The following MYH15 variants were observed in gnomAD, a reference collection of about 807,000 sequenced individuals.
MYH15 encodes the protein myosin heavy chain 15, also known as myosin-15.
A neutral mutation model predicts 240.5 loss-of-function variants in MYH15; 227 were observed. The ratio of observed to expected loss-of-function variants is 0.94; its 90% CI spans 0.85 to 1.05. The LOEUF is 1.05. Among genes scored for constraint, MYH15 ranks in the 50% least tolerant of loss-of-function variants. MYH15 has a pLI of 0.00. For missense variants in MYH15, 2,217 were observed against 2,247.5 expected (o/e 0.99, Z 0.27); for synonymous variants, 785 against 796.7 (o/e 0.99, Z 0.25).
chr3:108,510,724 CTA>C (rs2083516746), upstream of MYH15: 5 of 819,564 alleles, frequency 6.1e-6, no homozygotes, highest in Non-Finnish European at 9.2e-6. Context: ...TTTCTCTTCG[CTA>C]TGTCTCAAAT....
At chr3:108,395,130 G>A (rs1161487511) in intron 35 of MYH15, among the ~76,000 whole-genome samples, 2 of 152,198 alleles carry the variant, frequency 1.3e-5, no homozygotes, top group Non-Finnish European at 2.9e-5. Flanking sequence ...ATAGTTGGGT[G>A]TGGTGGCATA....
chr3:108,395,901 A>G (rs950463895), intron 35 of MYH15, among the ~76,000 whole-genome samples: 8 of 152,126 alleles, frequency 5.3e-5, no homozygotes, highest in African/African-American at 1.9e-4. Context: ...CCTTGTGAAT[A>G]ATATCACCTA....
chr3:108,496,200 C>T (rs1216552877), intron 6 of MYH15, among the ~76,000 whole-genome samples: 1 of 152,206 alleles, frequency 6.6e-6, no homozygotes, highest in Non-Finnish European at 1.5e-5. Flanking sequence ...TCCAGACAAA[C>T]ATATCATATA....
upstream of MYH15, among the ~76,000 whole-genome samples, chr3:108,529,930 A>G (rs148379913): frequency 9.2e-3 from 1,397 of 152,294 alleles, 15 homozygotes; most frequent in Non-Finnish European, 0.014. Flanking sequence ...CTGCTCAGAG[A>G]GAGCTCTGGG....
the MYH15 span, among the ~76,000 whole-genome samples, chr3:108,545,193 A>G: frequency 3.4e-4 from 51 of 152,136 alleles, no homozygotes; most frequent in Non-Finnish European, 6.8e-4. Flanking sequence ...AGTTAGTCTG[A>G]GCAACCCAGA....
At chr3:108,387,042 AAGG>A (rs755887558) in intron 38 of MYH15, among the ~76,000 whole-genome samples, 4 of 152,176 alleles carry the variant, frequency 2.6e-5, no homozygotes, top group Admixed American at 1.3e-4. Flanking sequence ...AGGGGATATA[AAGG>A]AGAAGATAAA....
At chr3:108,538,279 T>TAA in the MYH15 span, among the ~76,000 whole-genome samples, 259 of 152,316 alleles carry the variant, frequency 1.7e-3, no homozygotes, top group African/African-American at 6.0e-3. Flanking sequence ...ATCTTTATTG[T>TAA]ATCTCTTGGC....
rs117881276 is a variant in MYH15, at chr3:108,390,053, C to T, written c.5431-979G>A. 3.5e-3 allele frequency among the ~76,000 whole-genome samples: 540 copies of T among 152,280 alleles called. 11 individuals are homozygous for T. The highest frequency in any genetic ancestry group is 0.025 in the Admixed American group (388 of 15,296). Reference sequence around the variant, plus strand: ...GATAAAGCCCATTTAAAGCAATCTTCTGACACCTGCTATATAGGAACCTGA... The same window carrying T: ...GATAAAGCCCATTTAAAGCAATCTTTTGACACCTGCTATATAGGAACCTGA... On this transcript the variant is annotated intron_variant, in intron 37 of 40. Coordinates refer to ENST00000693548, the MANE Select transcript of MYH15 (RefSeq NM_014981.3).
intron 25 of MYH15, among the ~76,000 whole-genome samples, chr3:108,435,437 T>C (rs1339169158): frequency 3.9e-5 from 6 of 152,220 alleles, no homozygotes; most frequent in Admixed American, 3.9e-4. Flanking sequence ...TAATCAACTT[T>C]ATACTCATTG....
At chr3:108,512,270 A>C (rs2083527441), upstream of MYH15, among the ~76,000 whole-genome samples, 1 of 152,216 alleles carries the variant, frequency 6.6e-6, no homozygotes, top group South Asian at 2.1e-4. Context: ...AGCTCTGAAA[A>C]TAAGGCAGAG....
chr3:108,454,950 A>C (rs1223964853), intron 20 of MYH15, among the ~76,000 whole-genome samples: 1 of 152,192 alleles, frequency 6.6e-6, no homozygotes, highest in Non-Finnish European at 1.5e-5. Flanking sequence ...AAAATAACTA[A>C]ACACACAAGG....
At chr3:108,513,147 A>G (rs796624694), upstream of MYH15, among the ~76,000 whole-genome samples, 20 of 152,336 alleles carry the variant, frequency 1.3e-4, 2 homozygotes, top group African/African-American at 4.1e-4. Flanking sequence ...AAGTAAACAA[A>G]TTAACCTTGC....
At chr3:108,474,120 T>C (rs2083200001) in intron 12 of MYH15, among the ~76,000 whole-genome samples, 1 of 152,188 alleles carries the variant, frequency 6.6e-6, no homozygotes, top group Admixed American at 6.5e-5. Context: ...ATGTTAACGT[T>C]GCAAAAATTT....
intron 18 of MYH15, among the ~76,000 whole-genome samples, chr3:108,457,631 T>TA (rs369000050): frequency 1.0e-3 from 145 of 138,134 alleles, no homozygotes; most frequent in African/African-American, 2.9e-3. Flanking sequence ...ACATGAAAAA[T>TA]AAAAAAAAAA....
intron 29 of MYH15, 151 bp downstream of exon 29, chr3:108,416,661 G>C (rs1186082050): frequency 1.5e-6 from 1 of 662,614 alleles, no homozygotes; most frequent in Non-Finnish European, 2.6e-6. Flanking sequence ...CAGTCATCAG[G>C]GTTCTTCCTG....
intron 35 of MYH15, among the ~76,000 whole-genome samples, chr3:108,396,771 C>T (rs538875510): frequency 2.0e-4 from 30 of 152,340 alleles, no homozygotes; most frequent in Non-Finnish European, 3.8e-4. Context: ...ACATGGTACC[C>T]AGACGGGATT....
chr3:108,467,656 C>A (rs911635036), intron 14 of MYH15, among the ~76,000 whole-genome samples: 1 of 151,998 alleles, frequency 6.6e-6, no homozygotes, highest in Non-Finnish European at 1.5e-5. Flanking sequence ...GTGTTTACAC[C>A]AAATGAATAG....
upstream of MYH15, among the ~76,000 whole-genome samples, chr3:108,512,160 A>T (rs185223204): frequency 8.5e-5 from 13 of 152,282 alleles, 1 homozygote; most frequent in East Asian, 2.5e-3. Flanking sequence ...GACAAAACTG[A>T]TTTTTCTGCG....
chr3:108,523,434 C>T (rs964286640), intron 1 of MYH15, among the ~76,000 whole-genome samples: 1 of 151,346 alleles, frequency 6.6e-6, no homozygotes, highest in African/African-American at 2.4e-5. Flanking sequence ...TATTATTTGT[C>T]GAATAAAAAT....
Sources: allele counts gnomAD v4.1 joint callset (sites outside exome capture counted in the v4.1 genomes callset), GRCh38; gene constraint gnomAD v4.1.1; transcripts MANE v1.5; gene names NCBI Gene and HGNC (gene_info 2026-07-23, HGNC 2026-07-21).